Variants in CDC14B observed in about 807,000 individuals in gnomAD.
CDC14B encodes cell division cycle 14B, also known as dual specificity protein phosphatase CDC14B.
In CDC14B, 22 loss-of-function variants were observed where a neutral mutation model predicts 64.2. The observed-to-expected ratio is 0.34, with a 90% CI of 0.24 to 0.49. The LOEUF is 0.49. CDC14B is among the 20% of genes least tolerant of loss of function. The pLI, the probability that CDC14B is intolerant of heterozygous loss-of-function variation, is 0.99. For missense variants in CDC14B, 498 were observed against 629.9 expected (o/e 0.79, Z 2.24); for synonymous variants, 191 against 215.8 (o/e 0.89, Z 1.01).
chr9:96,582,095 T>A (rs1209566651), intron 1 of CDC14B, among the ~76,000 whole-genome samples: 5 of 152,062 alleles, frequency 3.3e-5, no homozygotes, highest in Non-Finnish European at 7.4e-5. Context: ...GAAACTTAAG[T>A]CACTGGAAAA....
In CDC14B at chr9:96,577,578, C is replaced by T. The variant is rs192629280; in HGVS notation, c.161-12095G>A. 1.6e-3 allele frequency among the ~76,000 whole-genome samples: 247 copies of T among 152,242 alleles called. 1 individual carries two copies. The highest frequency in any genetic ancestry group is 5.3e-3 in the African/African-American group (220 of 41,538). ...ATGGTGGGACTGCTTGTGCTGACTG[C>T]TTTGTGGTTAAGTGAACAGAGGTGA... On this transcript the variant is annotated intron_variant, in intron 1 of 13. Coordinates refer to ENST00000375241, the MANE Select transcript of CDC14B (RefSeq NM_033331.4).
At chr9:96,534,599 C>T (rs888373753) in intron 7 of CDC14B, 57 bp from the exon 8 acceptor site, 1 of 1,112,058 alleles carries the variant, frequency 9.0e-7, no homozygotes, top group Non-Finnish European at 1.4e-6. Context: ...CACAACCTCT[C>T]TACTCAAGAC....
At chr9:96,544,000 C>T (rs924333935) in intron 5 of CDC14B, among the ~76,000 whole-genome samples, 5 of 152,222 alleles carry the variant, frequency 3.3e-5, no homozygotes, top group Admixed American at 2.6e-4. Context: ...AGGTGGATCA[C>T]GAGGTCAAGA....
intron 4 of CDC14B, 113 bp downstream of exon 4, chr9:96,562,580 T>C (rs1564344152): frequency 1.3e-6 from 1 of 780,600 alleles, no homozygotes; most frequent in Non-Finnish European, 2.2e-6. Flanking sequence ...GCAAAACACG[T>C]TCTTTCTGAA....
At position 96,515,820 on chromosome 9, in the gene CDC14B, G is replaced by A; in HGVS notation, c.1344-6031C>T. 6.5e-7 allele frequency: 1 copy of A among 1,547,198 alleles called. No homozygotes were observed. Among genetic ancestry groups the A allele is most frequent in the Admixed American group, 2.0e-5 (1 of 49,542 alleles). Reference sequence around the variant, plus strand: ...GGAAAGGGGTGAAGGGGAAAGAACAGATGTTCAAATTGGGAAGCCAAAATA... The same window carrying A: ...GGAAAGGGGTGAAGGGGAAAGAACAAATGTTCAAATTGGGAAGCCAAAATA... On this transcript the variant is annotated intron_variant, in intron 12 of 13. Transcript: ENST00000375241. This position sits in a 1 kb window ranked among gnomAD's most constrained non-coding sequence, Gnocchi z 4.3.
intron 12 of CDC14B, chr9:96,514,437 C>G (rs572408057): frequency 2.0e-6 from 2 of 985,286 alleles, no homozygotes; most frequent in Non-Finnish European, 2.4e-6. Context: ...GGTCTGAATG[C>G]GCGACAATAA....
intron 13 of CDC14B, among the ~76,000 whole-genome samples, chr9:96,504,887 G>C (rs1196754282): frequency 1.3e-5 from 2 of 152,152 alleles, no homozygotes; most frequent in African/African-American, 4.8e-5. Flanking sequence ...AGAAGCTAAG[G>C]AAAGAGGCCG....
At chr9:96,561,406 T>C (rs563292206) in intron 4 of CDC14B, among the ~76,000 whole-genome samples, 1 of 152,252 alleles carries the variant, frequency 6.6e-6, no homozygotes, top group South Asian at 2.1e-4. Flanking sequence ...TTTAAAATGG[T>C]CCGGTAAGGC....
chr9:96,495,396 C>T (rs1259334446), downstream of CDC14B, among the ~76,000 whole-genome samples: 2 of 140,100 alleles, frequency 1.4e-5, no homozygotes, highest in Admixed American at 7.1e-5. Flanking sequence ...GTGCTGCCCC[C>T]CCCCGCCCCC....
intron 9 of CDC14B, among the ~76,000 whole-genome samples, chr9:96,532,114 C>T (rs931828489): frequency 6.6e-6 from 1 of 152,146 alleles, no homozygotes; most frequent in African/African-American, 2.4e-5. Flanking sequence ...TTACAAGTTA[C>T]AGTAATAATA....
intron 4 of CDC14B, among the ~76,000 whole-genome samples, chr9:96,558,225 A>G (rs1032725637): frequency 6.6e-6 from 1 of 152,226 alleles, no homozygotes; most frequent in African/African-American, 2.4e-5. Flanking sequence ...AACAAGTTCT[A>G]GTGTTAGATA....
chr9:96,606,564 T>G (rs1846951799), intron 1 of CDC14B, among the ~76,000 whole-genome samples: 1 of 149,920 alleles, frequency 6.7e-6, no homozygotes, highest in Admixed American at 6.7e-5. Context: ...TGTGTGTGTG[T>G]GTGTGTGTGT....
intron 1 of CDC14B, among the ~76,000 whole-genome samples, chr9:96,595,495 A>G (rs1846018466): frequency 6.6e-6 from 1 of 152,228 alleles, no homozygotes; most frequent in Admixed American, 6.5e-5. Flanking sequence ...CTACCTATAC[A>G]CACCCACATA....
chr9:96,615,771 C>A (rs1847588691), intron 1 of CDC14B, among the ~76,000 whole-genome samples: 1 of 152,216 alleles, frequency 6.6e-6, no homozygotes, highest in Admixed American at 6.5e-5. Context: ...GTCCATGCAA[C>A]AACCTGTATA....
rs1298189924 is a variant in CDC14B, at chr9:96,619,842, A to G, written c.-464T>C. The G allele has an allele frequency of 6.6e-6, 1 of 152,046 alleles. No homozygotes were observed. The highest frequency in any genetic ancestry group is 1.5e-5 in the Non-Finnish European group (1 of 67,990). 9.4% of individuals were successfully genotyped at this position (152,046 alleles called of 1,614,324 possible). A position where few individuals can be genotyped will look rare whatever the true frequency, so the allele number is the denominator to read the frequency against. ...AGGGCTGTTCCGTGGCGCTTCATTC[A>G]CAAAAAAGGGCCCACAACCCTCCTC... On this transcript the variant is annotated 5_prime_UTR_variant, in exon 1 of 14. Coordinates refer to ENST00000375241, the MANE Select transcript of CDC14B (RefSeq NM_033331.4).
At chr9:96,509,350 G>A (rs1257985530) in intron 13 of CDC14B, among the ~76,000 whole-genome samples, 1 of 152,204 alleles carries the variant, frequency 6.6e-6, no homozygotes, top group Admixed American at 6.5e-5. Flanking sequence ...CAATGATGCT[G>A]TATCTGATAT....
intron 1 of CDC14B, among the ~76,000 whole-genome samples, chr9:96,602,515 A>G (rs1014875610): frequency 5.9e-5 from 9 of 152,182 alleles, no homozygotes; most frequent in African/African-American, 1.9e-4. Context: ...CCTCATGATC[A>G]TGGCAGAACA....
intron 2 of CDC14B, 59 bp from the exon 3 acceptor site, chr9:96,564,911 C>T: frequency 3.6e-6 from 4 of 1,112,660 alleles, no homozygotes; most frequent in Non-Finnish European, 2.6e-6. Context: ...ATATAAATGC[C>T]TTTTTTGGGT....
intron 4 of CDC14B, among the ~76,000 whole-genome samples, chr9:96,557,192 T>C (rs148980493): frequency 3.7e-4 from 57 of 152,342 alleles, no homozygotes; most frequent in African/African-American, 1.3e-3. Flanking sequence ...GACAGCTGCC[T>C]CCCACAGGGC....
Sources: allele counts gnomAD v4.1 joint callset (sites outside exome capture counted in the v4.1 genomes callset), GRCh38; gene constraint gnomAD v4.1.1; non-coding constraint Gnocchi (gnomAD v3.1); transcripts MANE v1.5; gene names NCBI Gene and HGNC (gene_info 2026-07-23, HGNC 2026-07-21).